PGM5: variants seen among roughly 807,000 people sequenced by gnomAD.
PGM5 encodes the protein phosphoglucomutase-like protein 5.
In PGM5, 23 loss-of-function variants were observed where a neutral mutation model predicts 59.2. The observed-to-expected ratio is 0.39, with a 90% confidence interval of 0.28 to 0.55. The LOEUF (loss-of-function observed/expected upper bound fraction) is 0.55, where lower values mean the gene tolerates loss of function less well. Among genes scored for constraint, PGM5 ranks in the 20% least tolerant of loss-of-function variants. PGM5 has a pLI of 0.66. For synonymous variants in PGM5, 214 were observed against 286.0 expected (o/e 0.75, Z 2.54); for missense variants, 574 against 748.3 (o/e 0.77, Z 2.72).
chr9:68,422,520 A>G (rs1038179865), intron 6 of PGM5, among the ~76,000 whole-genome samples: 3 of 151,826 alleles, frequency 2.0e-5, no homozygotes, highest in Non-Finnish European at 4.4e-5. Context: ...TCAAACTCCT[A>G]GGCTCAAGTG....
intron 6 of PGM5, among the ~76,000 whole-genome samples, chr9:68,425,398 C>T (rs1004418637): frequency 1.1e-4 from 17 of 152,278 alleles, no homozygotes; most frequent in African/African-American, 3.1e-4. Flanking sequence ...AGAGGAGATT[C>T]CCAGGAGCTA....
rs1364209956 is a variant in PGM5 at position 68,508,231 on chromosome 9, C to T, written c.1614+8870C>T. On this transcript the variant is annotated intron_variant, in intron 10 of 10. Coordinates refer to ENST00000396396, the MANE Select transcript of PGM5 (RefSeq NM_021965.4). Reference sequence around the variant, plus strand: ...CTTAATTCCAAATCTTGCAAGAATACCGGCATTGCCAGCTTATCCCGAGAA... The same window carrying T: ...CTTAATTCCAAATCTTGCAAGAATATCGGCATTGCCAGCTTATCCCGAGAA... Among the ~76,000 whole-genome samples the T allele has an allele frequency of 8.5e-5, 13 of 152,226 alleles. No homozygotes were observed. In the East Asian group the frequency reaches 2.5e-3, roughly 29 times the overall value.
chr9:68,468,753 T>G (rs1487903336), intron 7 of PGM5, among the ~76,000 whole-genome samples: 1 of 152,234 alleles, frequency 6.6e-6, no homozygotes, highest in African/African-American at 2.4e-5. Context: ...TTAATCTACG[T>G]TTCTCTTCTT....
In PGM5 at chr9:68,529,708, C is replaced by T. The variant is rs955232288; in HGVS notation, c.*52C>T. ...CAAAGAGAGTGCTCAGCGGGAGATG[C>T]TTCACTGATGCCTTCTTGCTACCTG... is the stretch of plus-strand genomic sequence containing the variant. On this transcript the variant is annotated 3_prime_UTR_variant, in exon 11 of 11. Coordinates refer to ENST00000396396, the MANE Select transcript of PGM5 (RefSeq NM_021965.4). 1.8e-6 allele frequency: 2 copies of T among 1,095,058 alleles called. No homozygotes were observed. Among genetic ancestry groups the T allele is most frequent in the African/African-American group, 1.6e-5 (1 of 61,748 alleles). 67.8% of individuals were successfully genotyped at this position (1,095,058 alleles called of 1,614,324 possible). A position where few individuals can be genotyped will look rare whatever the true frequency, so the allele number is the denominator to read the frequency against.
At chr9:68,361,557 G>T (rs1223311512) in intron 1 of PGM5, among the ~76,000 whole-genome samples, 4 of 151,852 alleles carry the variant, frequency 2.6e-5, no homozygotes, top group African/African-American at 7.2e-5. Flanking sequence ...AGGAGCATGC[G>T]GTTTTGATAT....
At chr9:68,434,269 A>T (rs914603158) in intron 6 of PGM5, among the ~76,000 whole-genome samples, 1 of 145,046 alleles carries the variant, frequency 6.9e-6, no homozygotes, top group Non-Finnish European at 1.5e-5. Flanking sequence ...GTGAGCCAAG[A>T]TTGTGCCACT....
chr9:68,379,312 A>C (rs1554678120), intron 2 of PGM5, among the ~76,000 whole-genome samples: 1 of 152,198 alleles, frequency 6.6e-6, no homozygotes, highest in East Asian at 1.9e-4. Context: ...GTAGGAGCCA[A>C]ATTTTAACCA....
At chr9:68,403,743 C>G (rs1822733800) in intron 6 of PGM5, among the ~76,000 whole-genome samples, 1 of 152,094 alleles carries the variant, frequency 6.6e-6, no homozygotes, top group African/African-American at 2.4e-5. Flanking sequence ...TCTGATTATA[C>G]TCCGAGTGAA....
chr9:68,375,682 G>A (rs1821860203), intron 1 of PGM5, among the ~76,000 whole-genome samples: 1 of 152,164 alleles, frequency 6.6e-6, no homozygotes, highest in South Asian at 2.1e-4. Flanking sequence ...TACATACAGT[G>A]GGAAAATAAA....
intron 1 of PGM5, among the ~76,000 whole-genome samples, chr9:68,368,532 G>T (rs1484908729): frequency 6.7e-6 from 1 of 148,532 alleles, no homozygotes; most frequent in African/African-American, 2.5e-5. Flanking sequence ...GCTTCTTAGT[G>T]AGCAGGTTTA....
intron 6 of PGM5, among the ~76,000 whole-genome samples, chr9:68,456,842 T>C (rs1241150687): frequency 5.3e-5 from 8 of 151,430 alleles, no homozygotes; most frequent in African/African-American, 1.9e-4. Flanking sequence ...GCCAGGCTGG[T>C]TTTGAACTCC....
intron 6 of PGM5, among the ~76,000 whole-genome samples, chr9:68,439,853 T>C (rs1554683580): frequency 6.6e-6 from 1 of 151,106 alleles, no homozygotes; most frequent in Non-Finnish European, 1.5e-5. Context: ...AGAAAGAGGG[T>C]GAAGTTAGGG....
At chr9:68,484,885 G>C (rs998820460) in intron 9 of PGM5, among the ~76,000 whole-genome samples, 4 of 152,086 alleles carry the variant, frequency 2.6e-5, no homozygotes, top group African/African-American at 4.8e-5. Flanking sequence ...GTCTTTTCCA[G>C]TTTTGGACCA....
chr9:68,383,744 A>T (rs1160796528), intron 2 of PGM5, among the ~76,000 whole-genome samples: 1 of 48,992 alleles, frequency 2.0e-5, no homozygotes, highest in African/African-American at 8.7e-5. Context: ...ACAAGGTAAA[A>T]AAAAAAAAAA....
At chr9:68,359,695 A>AT (rs1215191794) in intron 1 of PGM5, among the ~76,000 whole-genome samples, 2 of 152,216 alleles carry the variant, frequency 1.3e-5, no homozygotes, top group Admixed American at 1.3e-4. Context: ...ATCCTATTGG[A>AT]TACTCATAAG....
At chr9:68,450,451 G>A (rs1823677509) in intron 6 of PGM5, among the ~76,000 whole-genome samples, 1 of 152,112 alleles carries the variant, frequency 6.6e-6, no homozygotes, top group African/African-American at 2.4e-5. Context: ...GAATGATCAA[G>A]TACCTCCAGC....
chr9:68,433,029 A>G (rs1417483726), intron 6 of PGM5, among the ~76,000 whole-genome samples: 3 of 152,208 alleles, frequency 2.0e-5, no homozygotes, highest in Non-Finnish European at 1.5e-5. Flanking sequence ...TATATATACA[A>G]TACTGCAGTG....
chr9:68,426,618 T>A (rs1213962216), intron 6 of PGM5, among the ~76,000 whole-genome samples: 1 of 151,990 alleles, frequency 6.6e-6, no homozygotes, highest in Admixed American at 6.6e-5. Context: ...TTATTATTTT[T>A]TTTTTTTTTT....
chr9:68,458,831 A>G (rs1397872075), intron 6 of PGM5, among the ~76,000 whole-genome samples: 1 of 152,298 alleles, frequency 6.6e-6, no homozygotes, highest in East Asian at 1.9e-4. Context: ...TGGGTTTAAG[A>G]GTAGATTTTA....
Sources: gnomAD v4.1 joint callset for allele counts (sites outside exome capture counted in the v4.1 genomes callset) on GRCh38, gnomAD v4.1.1 for gene constraint, MANE v1.5 for transcripts, NCBI Gene and HGNC (gene_info 2026-07-23, HGNC 2026-07-21) for gene names.